Variants in PPDPF observed in about 807,000 individuals in gnomAD.
PPDPF encodes the protein exocrine differentiation and proliferation factor.
In PPDPF, 11 loss-of-function variants were observed where a neutral mutation model predicts 6.3. The ratio of observed to expected loss-of-function variants is 1.76; its 90% CI spans 1.11 to 2.91. The LOEUF (loss-of-function observed/expected upper bound fraction) is 2.91, where lower values mean the gene tolerates loss of function less well. Among genes scored for constraint, PPDPF ranks in the 30% most tolerant of loss-of-function variants. The pLI is 0.00. For synonymous variants in PPDPF, 86 were observed against 64.5 expected, an observed-to-expected ratio of 1.33 and a Z score of -1.60; for missense variants, 202 against 159.4, an observed-to-expected ratio of 1.27 and a Z score of -1.44.
At chr20:63,521,617 C>T (rs759294095) in intron 3 of PPDPF, 28 bp downstream of exon 3, 150 of 1,611,966 alleles carry the variant, frequency 9.3e-5, no homozygotes, top group Middle Eastern at 1.6e-4. Flanking sequence ...CCTTTCTCCC[C>T]CCGCTCCTCC....
At position 63,521,288 on chromosome 20, in the gene PPDPF, C is replaced by A; in HGVS notation, c.-21C>A. 1 of 1,605,340 alleles carries A rather than the reference C, an allele frequency of 6.2e-7. No individual in the cohort carries two copies. Among genetic ancestry groups the A allele is most frequent in the East Asian group, 2.3e-5 (1 of 44,140 alleles). On this transcript the variant is annotated 5_prime_UTR_variant, in exon 2 of 4. Coordinates refer to ENST00000370179, the MANE Select transcript of PPDPF (RefSeq NM_024299.4). ...CTCCTCCACCCCCATGCGCAGATCC[C>A]ACCAGCCAGCAAGCTAAAGCATGGC...
rs2082554130 is a variant in PPDPF, at chr20:63,522,015, A to C, written c.*136A>C. ...CCCACCCTGTAAACTAGGCGGCTGC[A>C]GCAAGCAGACCTTCGCATCAACACA... On this transcript the variant is annotated 3_prime_UTR_variant, in exon 4 of 4. Transcript: ENST00000370179. The C allele has an allele frequency of 1.4e-6, 1 of 702,692 alleles. No homozygotes were observed. The highest frequency in any genetic ancestry group is 2.8e-5 in the East Asian group (1 of 36,128). The allele number at this position is 702,692 out of a possible 1,614,324, so 43.5% of individuals were successfully genotyped here.
In PPDPF at chr20:63,521,667, G is replaced by A. The variant is rs776852788; in HGVS notation, c.134-1G>A. ...TCAAGACCCCACTTCGCTTCTCTCA[G>A]GTCTCCCCAAGGCTGACCCGGGTCA... On this transcript the variant is annotated splice_acceptor_variant, in intron 3 of 3. Transcript: ENST00000370179. LOFTEE classifies it high-confidence loss of function. 3 of 1,613,308 alleles carry A rather than the reference G, an allele frequency of 1.9e-6. No homozygotes were observed. In the South Asian group the frequency reaches 3.3e-5, roughly 18 times the overall value.
In PPDPF at chr20:63,521,896, C is replaced by A; in HGVS notation, c.*17C>A. The A allele has an allele frequency of 6.4e-7, 1 of 1,559,296 alleles. No individual in the cohort carries two copies. The highest frequency in any genetic ancestry group is 8.7e-7 in the Non-Finnish European group (1 of 1,152,224). ...CCGTCCTGACCTGAGCGGTTACCAC[C>A]AGCCCCAGGCCTGCGGAGGCGCTAG... On this transcript the variant is annotated 3_prime_UTR_variant, in exon 4 of 4. Coordinates refer to ENST00000370179, the MANE Select transcript of PPDPF (RefSeq NM_024299.4).
At chr20:63,521,003 G>C (rs1377798293) in intron 1 of PPDPF, 109 bp downstream of exon 1, 8 of 893,812 alleles carry the variant, frequency 9.0e-6, no homozygotes, top group East Asian at 4.8e-5. Flanking sequence ...CGCTGGGCTC[G>C]GGGTCCCCGG....
rs150419465 is a variant in PPDPF, at chr20:63,521,320, C to T, written c.12C>T (p.Ile4=). The T allele has an allele frequency of 1.4e-5, 23 of 1,610,388 alleles. No individual in the cohort carries two copies. The African/African-American group carries it at 2.0e-4, about 14-fold the overall frequency. MAA[I]PSSGSLVATH... ...CAGCAAGCTAAAGCATGGCGGCCAT[C>T]CCCTCCAGCGGCTCGCTCGTGGCCA... The change falls in exon 2 of 4, where the codon ATC becomes ATT. Residue 4 remains isoleucine (I), a synonymous_variant. Transcript: ENST00000370179.
chr20:63,521,647 A>C, intron 3 of PPDPF, 21 bp from the exon 4 acceptor site: 1 of 1,612,282 alleles, frequency 6.2e-7, no homozygotes, highest in Middle Eastern at 1.6e-4. Context: ...CAGCATCAAG[A>C]CCCCACTTCG....
rs2082555872 is a variant in PPDPF at position 63,522,182 on chromosome 20, C to G, written c.*303C>G. 4.2e-6 allele frequency: 2 copies of G among 476,434 alleles called. No homozygotes were observed. Among genetic ancestry groups the G allele is most frequent in the South Asian group, 4.6e-5 (2 of 43,334 alleles). 29.5% of individuals were successfully genotyped at this position (476,434 alleles called of 1,614,324 possible). On this transcript the variant is annotated 3_prime_UTR_variant, in exon 4 of 4. Coordinates refer to ENST00000370179, the MANE Select transcript of PPDPF (RefSeq NM_024299.4). ...AGCCAGTAGCCCCGATGGTGTGTGCCTGAGCTGTGTGGCCCGAGGTTCCAT... is the reference window on the plus strand; with the variant it reads ...AGCCAGTAGCCCCGATGGTGTGTGCGTGAGCTGTGTGGCCCGAGGTTCCAT...
Position 63,521,791 on chromosome 20 carries a change from G to A in PPDPF, c.257G>A (p.Ser86Asn). 1.2e-6 allele frequency: 2 copies of A among 1,612,498 alleles called. No homozygotes were observed. Among genetic ancestry groups the A allele is most frequent in the East Asian group, 2.2e-5 (1 of 44,862 alleles). Residue 86 changes from serine (S) to asparagine (N), a missense_variant, in exon 4 of 4, where the codon AGC becomes AAC. Transcript: ENST00000370179. Reference protein sequence around the residue: ...EHSEPPQASSSMTACGLARDA... With the variant: ...EHSEPPQASSNMTACGLARDA... ...TCGGAACCTCCCCAGGCCTCCAGCAGCATGACCGCCTGTGGCCTGGCTCGG... is the reference window on the plus strand; with the variant it reads ...TCGGAACCTCCCCAGGCCTCCAGCAACATGACCGCCTGTGGCCTGGCTCGG...
At chr20:63,521,388 AC>A (rs2082543573) in intron 2 of PPDPF, 25 bp downstream of exon 2, 1 of 1,603,768 alleles carries the variant, frequency 6.2e-7, no homozygotes, top group Admixed American at 1.7e-5. Flanking sequence ...CCCCCCATCC[AC>A]GCGGATGCTC....
At chr20:63,521,461 G>A in intron 2 of PPDPF, 51 bp from the exon 3 acceptor site, 1 of 1,561,966 alleles carries the variant, frequency 6.4e-7, no homozygotes, top group Non-Finnish European at 8.7e-7. Context: ...GAAGGCCGGT[G>A]GGCTGGGGGG....
intron 1 of PPDPF, 141 bp from the exon 2 acceptor site, chr20:63,521,143 G>C: frequency 1.1e-6 from 1 of 922,184 alleles, no homozygotes; most frequent in Non-Finnish European, 1.5e-6. Context: ...AGCCGCCCGC[G>C]CCCCGCGCGG....
intron 1 of PPDPF, 38 bp from the exon 2 acceptor site, chr20:63,521,246 G>A: frequency 6.6e-7 from 1 of 1,512,488 alleles, no homozygotes; most frequent in Non-Finnish European, 8.9e-7. Context: ...ATGACGGAAG[G>A]CCGCTGACCC....
Position 63,521,558 on chromosome 20 carries a change from G to C in PPDPF, c.102G>C (p.Glu34Asp), listed in dbSNP as rs1007601708. 81 of 1,605,688 alleles carry C rather than the reference G, an allele frequency of 5.0e-5. No homozygotes were observed. Among genetic ancestry groups the C allele is most frequent in the Admixed American group, 1.2e-4 (7 of 59,430 alleles). Residue 34 changes from glutamate to aspartate, a missense_variant, in exon 3 of 4, where the codon GAG (glutamate) becomes GAC (aspartate). Glu to Asp is a conservative substitution (Grantham distance 45). Transcript: ENST00000370179. ...TSSNSSCSST[E>D]CPGEAIPHPP... The stretch of plus-strand genomic sequence containing the variant: ...GCAACAGCTCCTGCAGCAGTACCGA[G>C]TGCCCCGGGGAAGCCATTCCCCACC...
In PPDPF at chr20:63,521,989, C is replaced by G; in HGVS notation, c.*110C>G. ...CTCGCCCCCCTCCCCACCTCCCACC[C>G]CCCACCCTGTAAACTAGGCGGCTGC... On this transcript the variant is annotated 3_prime_UTR_variant, in exon 4 of 4. Transcript: ENST00000370179. The G allele has an allele frequency of 1.2e-6, 1 of 809,444 alleles. No individual in the cohort carries two copies. The highest frequency in any genetic ancestry group is 2.0e-6 in the Non-Finnish European group (1 of 505,270). The allele number at this position is 809,444 out of a possible 1,614,324, so 50.1% of individuals were successfully genotyped here.
Position 63,521,507 on chromosome 20 carries a change from T to C in PPDPF, c.56-5T>C. The C allele has an allele frequency of 6.4e-7, 1 of 1,574,488 alleles. No homozygotes were observed. Among genetic ancestry groups the C allele is most frequent in the South Asian group, 1.2e-5 (1 of 84,688 alleles). ...CGCGTTGCTGACGGGACCTCTCCTC[T>C]CCAGGCCGCCTGGGTTCCACTTCCA... is the stretch of plus-strand genomic sequence containing the variant. On this transcript the variant is annotated splice_polypyrimidine_tract_variant and splice_region_variant and intron_variant, in intron 2 of 3. Transcript: ENST00000370179.
chr20:63,521,615 C>T, intron 3 of PPDPF, 26 bp downstream of exon 3: 2 of 1,611,876 alleles, frequency 1.2e-6, no homozygotes, highest in Non-Finnish European at 1.7e-6. Context: ...CCCCTTTCTC[C>T]CCCCGCTCCT....
Position 63,521,493 on chromosome 20 carries a change from C to G in PPDPF, c.56-19C>G. 1 of 1,563,460 alleles carries G rather than the reference C, an allele frequency of 6.4e-7. No individual in the cohort carries two copies. The highest frequency in any genetic ancestry group is 8.7e-7 in the Non-Finnish European group (1 of 1,152,936). On this transcript the variant is annotated intron_variant, in intron 2 of 3. Transcript: ENST00000370179. ...GGGGCTCCGCGCCCCGCGTTGCTGA[C>G]GGGACCTCTCCTCTCCAGGCCGCCT...
chr20:63,521,695 G>C lies in PPDPF; in HGVS notation c.161G>C (p.Trp54Ser). Residue 54 changes from tryptophan (W) to serine (S), a missense_variant, in exon 4 of 4, where the codon TGG becomes TCG. Trp to Ser is a radical substitution (Grantham distance 177). Transcript: ENST00000370179. ...CTCCCCAAGGCTGACCCGGGTCATT[G>C]GTGGGCCAGCTTCTTTTTCGGGAAG... The part of the protein sequence containing the change: ...PGLPKADPGH[W>S]WASFFFGKST... The C allele has an allele frequency of 2.5e-6, 4 of 1,613,386 alleles. No individual in the cohort carries two copies. The highest frequency in any genetic ancestry group is 3.4e-6 in the Non-Finnish European group (4 of 1,180,000).
Sources: gnomAD v4.1 joint callset for allele counts on GRCh38, gnomAD v4.1.1 for gene constraint, MANE v1.5 for transcripts, NCBI Gene and HGNC (gene_info 2026-07-23, HGNC 2026-07-21) for gene names.